SLC19A1: variants seen among roughly 807,000 people sequenced by gnomAD.
SLC19A1 encodes the protein reduced folate transporter.
In SLC19A1, 37 loss-of-function variants were observed where a neutral mutation model predicts 35.3. That is an observed-to-expected ratio of 1.05 (90% confidence interval 0.81 to 1.38). The LOEUF is 1.38. SLC19A1 is among the 40% of genes most tolerant of loss of function. The probability of loss-of-function intolerance (pLI) is 0.00; values close to 1 mark genes in which losing one functional copy is unlikely to be tolerated. For synonymous variants in SLC19A1, 460 were observed against 398.5 expected, an observed-to-expected ratio of 1.15 and a Z score of -1.84; for missense variants, 831 against 826.9, an observed-to-expected ratio of 1.00 and a Z score of -0.06.
At position 45,515,266 on chromosome 21, in the gene SLC19A1, G is replaced by C; in HGVS notation, c.*392C>G. 2.7e-6 allele frequency: 4 copies of C among 1,493,024 alleles called. No individual in the cohort carries two copies. The South Asian group carries it at 5.3e-5, about 20-fold the overall frequency. 92.5% of individuals were successfully genotyped at this position (1,493,024 alleles called of 1,614,324 possible). A position where few individuals can be genotyped will look rare whatever the true frequency, so the allele number is the denominator to read the frequency against. ...GGGTCCCGGCTCCCACCCTGCCCTA[G>C]AGGGCTCACAACTCCTGTGGGGCCA... On this transcript the variant is annotated 3_prime_UTR_variant, in exon 6 of 6. Transcript: ENST00000311124.
At chr21:45,535,798 C>G (rs896202030) in intron 2 of SLC19A1, among the ~76,000 whole-genome samples, 1 of 152,264 alleles carries the variant, frequency 6.6e-6, no homozygotes, top group African/African-American at 2.4e-5. Flanking sequence ...CCAGGAGGCG[C>G]AGCTTAAGAA....
At chr21:45,561,598 TA>T (rs1340736789) in intron 1 of SLC19A1, among the ~76,000 whole-genome samples, 3 of 151,850 alleles carry the variant, frequency 2.0e-5, no homozygotes, top group Middle Eastern at 3.2e-3. Context: ...CTGTCTCTAC[TA>T]AAAATACAAA....
intron 1 of SLC19A1, among the ~76,000 whole-genome samples, chr21:45,556,666 G>A (rs1453142607): frequency 6.6e-6 from 1 of 152,254 alleles, no homozygotes; most frequent in Non-Finnish European, 1.5e-5. Flanking sequence ...TGGGGTGGGG[G>A]CCAGGGACAT....
At chr21:45,543,693 T>G (rs1387798013), upstream of SLC19A1, 2 of 152,420 alleles carry the variant, frequency 1.3e-5, no homozygotes, top group Non-Finnish European at 2.9e-5. Flanking sequence ...TCAAAGGAAC[T>G]TAAAAAGGAT....
intron 1 of SLC19A1, among the ~76,000 whole-genome samples, chr21:45,561,046 C>T (rs992896420): frequency 7.2e-5 from 11 of 152,320 alleles, no homozygotes; most frequent in African/African-American, 1.4e-4. Flanking sequence ...CGAGAATAAA[C>T]GACCAAGCCT....
intron 3 of SLC19A1, chr21:45,506,043 G>A: frequency 6.2e-7 from 1 of 1,606,780 alleles, no homozygotes; most frequent in Non-Finnish European, 8.5e-7. Context: ...AAGGCGAGAG[G>A]CTCAGGCCCC....
At chr21:45,510,297 G>A (rs536097436), downstream of SLC19A1, 94 of 1,561,290 alleles carry the variant, frequency 6.0e-5, 2 homozygotes, top group African/African-American at 5.6e-4. Flanking sequence ...CGGGCTCCTC[G>A]GCCCCCACTT....
At chr21:45,560,653 G>A (rs2078607134) in intron 1 of SLC19A1, among the ~76,000 whole-genome samples, 1 of 152,254 alleles carries the variant, frequency 6.6e-6, no homozygotes, top group Admixed American at 6.5e-5. Context: ...AGCGGAGGTT[G>A]GAGTTGGGAA....
downstream of SLC19A1, chr21:45,510,044 A>C: frequency 6.5e-7 from 1 of 1,542,836 alleles, no homozygotes; most frequent in Non-Finnish European, 8.7e-7. Flanking sequence ...ACAGCCCGTG[A>C]CGCGCCCCTC....
chr21:45,516,651 G>C (rs2146206748), intron 5 of SLC19A1, among the ~76,000 whole-genome samples: 1 of 152,364 alleles, frequency 6.6e-6, no homozygotes, highest in African/African-American at 2.4e-5. Flanking sequence ...ACGATGACCA[G>C]AAGGAGCAGC....
chr21:45,543,157 C>A (rs180935821), upstream of SLC19A1, among the ~76,000 whole-genome samples: 923 of 152,266 alleles, frequency 6.1e-3, 9 homozygotes, highest in African/African-American at 0.021. Context: ...GCCTCGCAGA[C>A]GGCAGCGCAG....
At chr21:45,521,040 GA>G (rs2077424289) in intron 5 of SLC19A1, among the ~76,000 whole-genome samples, 5 of 148,534 alleles carry the variant, frequency 3.4e-5, no homozygotes, top group African/African-American at 7.4e-5. Context: ...AAAAACAAAC[GA>G]AAAAAAGATA....
At position 45,515,094 on chromosome 21, in the gene SLC19A1, G is replaced by A; in HGVS notation, c.*564C>T. On this transcript the variant is annotated 3_prime_UTR_variant, in exon 6 of 6. Transcript: ENST00000311124. ...GCTCCCCTCTGATGACAATGTGTCT[G>A]CCGCCAACCTGAGATGGCTTTTCCA... 6.5e-7 allele frequency: 1 copy of A among 1,545,960 alleles called. No homozygotes were observed. The highest frequency in any genetic ancestry group is 2.5e-5 in the East Asian group (1 of 40,798).
chr21:45,545,153 A>G (rs1314467465), upstream of SLC19A1, among the ~76,000 whole-genome samples: 2 of 152,238 alleles, frequency 1.3e-5, no homozygotes, highest in Admixed American at 1.3e-4. Flanking sequence ...GGACACAGAC[A>G]TGCGCAGACA....
intron 4 of SLC19A1, 137 bp from the exon 5 acceptor site, chr21:45,526,095 C>G (rs546562994): frequency 1.2e-4 from 108 of 872,252 alleles, no homozygotes; most frequent in Non-Finnish European, 1.4e-4. Flanking sequence ...ACAAGCCCCC[C>G]ACCAGGCCCC....
At chr21:45,521,957 A>C (rs1176122815) in intron 5 of SLC19A1, among the ~76,000 whole-genome samples, 3 of 152,224 alleles carry the variant, frequency 2.0e-5, no homozygotes, top group African/African-American at 4.8e-5. Flanking sequence ...AGTTTCCATA[A>C]AAGGAAAAAC....
At chr21:45,546,825 C>T (rs1355490240), upstream of SLC19A1, among the ~76,000 whole-genome samples, 1 of 152,136 alleles carries the variant, frequency 6.6e-6, no homozygotes, top group Non-Finnish European at 1.5e-5. Flanking sequence ...GAACATCCTG[C>T]GGTCGGAGGA....
downstream of SLC19A1, among the ~76,000 whole-genome samples, chr21:45,509,024 G>T (rs932014890): frequency 6.6e-6 from 1 of 152,124 alleles, no homozygotes. Flanking sequence ...AAGGTCGAAG[G>T]TCGCCGTGTT....
In SLC19A1 at chr21:45,504,472, G is replaced by A. The variant is rs752389252; in HGVS notation, c.498-5860C>T. ...AGAAAGGCGAAAGGGGGGAGCCCGGGGGCGGCGGTTTCTTCGGCTCCAGCC... is the reference window on the plus strand; with the variant it reads ...AGAAAGGCGAAAGGGGGGAGCCCGGAGGCGGCGGTTTCTTCGGCTCCAGCC... On this transcript the variant is annotated intron_variant, in intron 3 of 4. Transcript: ENST00000417954. 1.2e-5 allele frequency: 19 copies of A among 1,608,840 alleles called. No individual in the cohort carries two copies. The highest frequency in any genetic ancestry group is 6.6e-5 in the South Asian group (6 of 90,892).
Sources: gnomAD v4.1 joint callset for allele counts (sites outside exome capture counted in the v4.1 genomes callset) on GRCh38, gnomAD v4.1.1 for gene constraint, MANE v1.5 for transcripts, NCBI Gene and HGNC (gene_info 2026-07-23, HGNC 2026-07-21) for gene names.